Variants in MXRA5 observed in about 807,000 individuals in gnomAD.
MXRA5 encodes the protein matrix remodeling associated 5, also known as matrix-remodeling-associated protein 5.
Under a neutral mutation model 112.5 loss-of-function variants are expected in MXRA5, and 41 were observed. The ratio of observed to expected loss-of-function variants is 0.36; its 90% CI spans 0.28 to 0.47. The LOEUF (loss-of-function observed/expected upper bound fraction) is 0.47, where lower values mean the gene tolerates loss of function less well. Among genes scored for constraint, MXRA5 ranks in the 20% least tolerant of loss-of-function variants. MXRA5 has a pLI of 0.99. For missense variants in MXRA5, 2,150 were observed against 2,251.0 expected (o/e 0.96, Z 0.91); for synonymous variants, 862 against 900.8 (o/e 0.96, Z 0.77).
chrX:3,322,415 G>T lies in MXRA5; in HGVS notation c.3270C>A (p.Ser1090Arg). The T allele has an allele frequency of 1.7e-6, 2 of 1,211,475 alleles. No homozygotes were observed. The highest frequency in any genetic ancestry group is 2.2e-6 in the Non-Finnish European group (2 of 895,355). ...SRSSESEGQE[S>R]KSITLPDSTL... ...TGGAGTCAGGCAAAGTGATGGATTTGCTCTCTTGGCCCTCACTCTCAGAAC... is the reference window on the plus strand; with the variant it reads ...TGGAGTCAGGCAAAGTGATGGATTTTCTCTCTTGGCCCTCACTCTCAGAAC... Residue 1090 changes from serine to arginine, a missense_variant, in exon 5 of 7, where the codon AGC (serine) becomes AGA (arginine). This residue lies in a region of MXRA5 where 1,485 missense variants were observed against 1,471.6 expected (regional missense o/e 1.01). Transcript: ENST00000217939.
At chrX:3,311,713 G>T in intron 6 of MXRA5, 89 bp from the exon 7 acceptor site, 1 of 777,417 alleles carries the variant, frequency 1.3e-6, no homozygotes, top group Non-Finnish European at 1.9e-6. Context: ...AAAAATAGGT[G>T]TTTCTGTGAT....
Position 3,323,902 on chromosome X carries a change from C to T in MXRA5, c.1783G>A (p.Val595Met), listed in dbSNP as rs144346765. The change falls in exon 5 of 7, where the codon GTG (valine) becomes ATG (methionine). Residue 595 changes from valine (V) to methionine (M), a missense_variant. Coordinates refer to ENST00000217939, the MANE Select transcript of MXRA5 (RefSeq NM_015419.4). ...VTIGKNPGES[V>M]TLPCNALAIP... ...GCTAAAGCATTGCAAGGCAATGTCA[C>T]CGACTCCCCTGGGTTCTTGCCAATT... 3.4e-4 allele frequency: 408 copies of T among 1,206,073 alleles called. No homozygotes were observed. Among genetic ancestry groups the T allele is most frequent in the Non-Finnish European group, 4.1e-4 (366 of 893,184 alleles).
chrX:3,329,883 C>A, intron 4 of MXRA5, 135 bp downstream of exon 4: 12 of 748,852 alleles, frequency 1.6e-5, no homozygotes, highest in Non-Finnish European at 5.7e-6. Flanking sequence ...TCCTGTCTAG[C>A]TGATTGGGTG....
Position 3,324,140 on chromosome X carries a change from A to G in MXRA5, c.1545T>C (p.Leu515=), listed in dbSNP as rs776643571. The G allele has an allele frequency of 1.7e-6, 2 of 1,211,108 alleles. No individual in the cohort carries two copies. Among genetic ancestry groups the G allele is most frequent in the Non-Finnish European group, 2.2e-6 (2 of 895,413 alleles). ...GCGCTTTCAGGATGGAGCCATCTGG[A>G]AGCACCCAGAAGATAGATGGACTCT... ...ASESPSIFWV[L]PDGSILKAPM... is the part of the protein sequence containing the mutation. The change falls in exon 5 of 7, where the codon CTT becomes CTC. Residue 515 remains leucine, a synonymous_variant. Transcript: ENST00000217939.
intron 5 of MXRA5, among the ~76,000 whole-genome samples, chrX:3,319,027 AG>A (rs1457379873): frequency 1.8e-5 from 2 of 111,534 alleles, no homozygotes; most frequent in African/African-American, 6.5e-5. Flanking sequence ...TAGAAGCTGA[AG>A]CAGATAGTGG....
At chrX:3,328,348 G>A (rs1490069883) in intron 4 of MXRA5, among the ~76,000 whole-genome samples, 1 of 112,450 alleles carries the variant, frequency 8.9e-6, no homozygotes, top group Non-Finnish European at 1.9e-5. Context: ...GGAAGACTGT[G>A]TGGCTAGAAA....
intron 2 of MXRA5, among the ~76,000 whole-genome samples, chrX:3,332,569 A>T (rs1921692612): frequency 8.9e-6 from 1 of 112,450 alleles, no homozygotes; most frequent in African/African-American, 3.2e-5. Context: ...AGATAAATTT[A>T]TGCAAAGAAA....
chrX:3,336,835 T>C (rs1331226545), intron 2 of MXRA5, among the ~76,000 whole-genome samples: 1 of 111,810 alleles, frequency 8.9e-6, no homozygotes, highest in Non-Finnish European at 1.9e-5. Context: ...CAGGTGCTGT[T>C]TGAACTTCGC....
Position 3,317,725 on chromosome X carries a change from A to T in MXRA5, c.5956T>A (p.Phe1986Ile). ...GTTTGCCACACCCTCCTGTCAGGGA[A>T]GATCCAGGAAATTTGGGGGGCTGGG... ...GTPAPQISWI[F>I]PDRRVWQTVS... The change falls in exon 6 of 7, where the codon TTC becomes ATC. Residue 1986 changes from phenylalanine (F) to isoleucine (I), a missense_variant. Phe to Ile is a conservative substitution (Grantham distance 21). Transcript: ENST00000217939. 6 of 1,206,499 alleles carry T rather than the reference A, an allele frequency of 5.0e-6. No individual in the cohort carries two copies. The highest frequency in any genetic ancestry group is 6.7e-6 in the Non-Finnish European group (6 of 892,240).
In MXRA5 at chrX:3,322,008, G is replaced by A. The variant is rs866689236; in HGVS notation, c.3677C>T (p.Ser1226Phe). The A allele has an allele frequency of 8.3e-7, 1 of 1,211,599 alleles. No homozygotes were observed. Among genetic ancestry groups the A allele is most frequent in the East Asian group, 3.0e-5 (1 of 33,814 alleles). Residue 1226 changes from serine (S) to phenylalanine (F), a missense_variant, in exon 5 of 7, where the codon TCC (serine) becomes TTC (phenylalanine). This residue lies in a region of MXRA5 where 1,485 missense variants were observed against 1,471.6 expected (regional missense o/e 1.01). Coordinates refer to ENST00000217939, the MANE Select transcript of MXRA5 (RefSeq NM_015419.4). ...GTGTTTTCTCCGTGGTGTTCCCTTG[G>A]ATGTGGGTTCTGCATTCTTCTCCAT... The part of the protein sequence containing the change: ...LEMEKNAEPT[S>F]KGTPRRKHGK...
intron 1 of MXRA5, among the ~76,000 whole-genome samples, chrX:3,346,210 G>A (rs1419129362): frequency 2.7e-5 from 3 of 111,920 alleles, no homozygotes; most frequent in Admixed American, 1.9e-4. Flanking sequence ...AGAGAGCCAG[G>A]GATGGGGAGC....
At position 3,310,548 on chromosome X, in the gene MXRA5, A is replaced by G. The variant is rs1226640563; in HGVS notation, c.7655T>C (p.Ile2552Thr). 8.4e-7 allele frequency: 1 copy of G among 1,185,395 alleles called. No individual in the cohort carries two copies. Among genetic ancestry groups the G allele is most frequent in the South Asian group, 1.8e-5 (1 of 54,399 alleles). ...GATGGTGTGGCCCGCCATGGCCGTG[A>G]TCTTCTCGCTGATCGGGTCGTGGAA... is the stretch of plus-strand genomic sequence containing the variant. ...PIFHDPISEKITAMAGHTISL... is the reference protein window; with the variant it reads ...PIFHDPISEKTTAMAGHTISL... The change falls in exon 7 of 7, where the codon ATC becomes ACC. Residue 2552 changes from isoleucine to threonine, a missense_variant. By Grantham distance (89) the Ile-to-Thr change is moderately conservative (BLOSUM62 -1). This residue lies in a region of MXRA5 where 93 missense variants were observed against 135.5 expected (regional missense o/e 0.69). Transcript: ENST00000217939.
Position 3,317,950 on chromosome X carries a change from C to T in MXRA5, c.5731G>A (p.Gly1911Ser), listed in dbSNP as rs759496494. 1.7e-6 allele frequency: 2 copies of T among 1,209,144 alleles called. No individual in the cohort carries two copies. Among genetic ancestry groups the T allele is most frequent in the Non-Finnish European group, 2.2e-6 (2 of 894,324 alleles). Residue 1911 changes from glycine to serine, a missense_variant, in exon 6 of 7, where the codon GGT becomes AGT. By Grantham distance (56) the Gly-to-Ser change is moderately conservative. Coordinates refer to ENST00000217939, the MANE Select transcript of MXRA5 (RefSeq NM_015419.4). Reference sequence around the variant, plus strand: ...TGAACCTTCCGTATCACTAAGGTACCGTTCTTGAGAACCTCAAACCGTTGT... The same window carrying T: ...TGAACCTTCCGTATCACTAAGGTACTGTTCTTGAGAACCTCAAACCGTTGT... ...RIQRFEVLKN[G>S]TLVIRKVQVQ...
At chrX:3,335,497 G>T (rs1921766064) in intron 2 of MXRA5, among the ~76,000 whole-genome samples, 1 of 112,270 alleles carries the variant, frequency 8.9e-6, no homozygotes, top group African/African-American at 3.2e-5. Context: ...GCGCCTGGCC[G>T]CCATTTTTAT....
chrX:3,335,488 C>T (rs925197880), intron 2 of MXRA5, among the ~76,000 whole-genome samples: 21 of 112,645 alleles, frequency 1.9e-4, no homozygotes, highest in African/African-American at 6.8e-4. Context: ...TGAGTCACTG[C>T]GCCTGGCCGC....
chrX:3,330,411 G>T lies in MXRA5; in HGVS notation c.319-3C>A, dbSNP rs1168994335. ...TTGTTGTAGCTGAACTTGAAAACCT[G>T]CAAGGACAGGGGAAAACAAAACAAA... On this transcript the variant is annotated splice_region_variant and splice_polypyrimidine_tract_variant and intron_variant, in intron 3 of 6. Transcript: ENST00000217939. The T allele has an allele frequency of 3.4e-6, 4 of 1,185,492 alleles. No homozygotes were observed. The East Asian group carries it at 8.9e-5, about 27-fold the overall frequency.
In MXRA5 at chrX:3,309,518, G is replaced by A. The variant is rs1272526835; in HGVS notation, c.*198C>T. ...AACACAAAAGAAAGTGTCTCAGCAA[G>A]GCTGAGCCCTCCTTCTCGTGTCTGC... On this transcript the variant is annotated 3_prime_UTR_variant, in exon 7 of 7. Coordinates refer to ENST00000217939, the MANE Select transcript of MXRA5 (RefSeq NM_015419.4). The A allele has an allele frequency of 6.9e-6, 3 of 432,428 alleles. No homozygotes were observed. The East Asian group carries it at 1.1e-4, about 16-fold the overall frequency. The allele number at this position is 432,428 out of a possible 1,213,427, so 35.6% of individuals were successfully genotyped here.
At chrX:3,325,100 A>C in intron 4 of MXRA5, 125 bp from the exon 5 acceptor site, 4 of 834,393 alleles carry the variant, frequency 4.8e-6, no homozygotes, top group Non-Finnish European at 6.3e-6. Context: ...TAAACAAGGA[A>C]TCCTATACAT....
chrX:3,323,010 G>T lies in MXRA5; in HGVS notation c.2675C>A (p.Ser892Tyr). 1 of 1,211,642 alleles carries T rather than the reference G, an allele frequency of 8.3e-7. No homozygotes were observed. Among genetic ancestry groups the T allele is most frequent in the Non-Finnish European group, 1.1e-6 (1 of 895,433 alleles). Residue 892 changes from serine to tyrosine, a missense_variant, in exon 5 of 7, where the codon TCC becomes TAC. Physicochemically the swap from Ser to Tyr is moderately radical, Grantham distance 144. Around this residue, in one of 6 missense-constraint regions of MXRA5, gnomAD observed 1,485 missense variants for 1,471.6 expected, o/e 1.01. Coordinates refer to ENST00000217939, the MANE Select transcript of MXRA5 (RefSeq NM_015419.4). ...GGAAGTTATCTCCTCAGTCTTCTCG[G>T]AAAGGTCATCAACAACTTCCTCCAG... Reference protein sequence around the residue: ...TPLEEVVDDLSEKTEEITSTE... With the variant: ...TPLEEVVDDLYEKTEEITSTE...
Sources: gnomAD v4.1 joint callset for allele counts (sites outside exome capture counted in the v4.1 genomes callset) on GRCh38, gnomAD v4.1.1 for gene constraint, gnomAD v4.1.1 regional missense constraint, MANE v1.5 for transcripts, NCBI Gene and HGNC (gene_info 2026-07-23, HGNC 2026-07-21) for gene names.